CCDC146: variants seen among roughly 807,000 people sequenced by gnomAD.
CCDC146 encodes coiled-coil domain-containing protein 146.
In CCDC146, 92 loss-of-function variants were observed where a neutral mutation model predicts 119.3. The ratio of observed to expected loss-of-function variants is 0.77; its 90% CI spans 0.65 to 0.92. The LOEUF is 0.92. CCDC146 is among the 40% of genes least tolerant of loss of function. The probability of loss-of-function intolerance (pLI) is 0.00; values close to 1 mark genes in which losing one functional copy is unlikely to be tolerated. For synonymous variants in CCDC146, 372 were observed against 371.8 expected, an observed-to-expected ratio of 1.00 and a Z score of -0.01; for missense variants, 1,000 against 1,103.0, an observed-to-expected ratio of 0.91 and a Z score of 1.32.
chr7:77,176,147 A>G (rs1162036424), intron 2 of CCDC146, among the ~76,000 whole-genome samples: 2 of 151,062 alleles, frequency 1.3e-5, no homozygotes, highest in Non-Finnish European at 2.9e-5. Flanking sequence ...GATGACCCCA[A>G]AGTACCTCAA....
intron 9 of CCDC146, among the ~76,000 whole-genome samples, chr7:77,272,475 A>G (rs1190719792): frequency 6.6e-6 from 1 of 152,178 alleles, no homozygotes; most frequent in Admixed American, 6.5e-5. Context: ...CCTTCAAATC[A>G]CTAGACAGTG....
At position 77,278,985 on chromosome 7, in the gene CCDC146, C is replaced by G; in HGVS notation, c.1578C>G (p.Asn526Lys). ...KLYDTIRNER[N>K]KFVNLLHKAH... is the part of the protein sequence containing the mutation. Reference sequence around the variant, plus strand: ...ATGACACCATTCGAAATGAAAGAAACAAATTTGTTAACTTACTCCACAAAG... The same window carrying G: ...ATGACACCATTCGAAATGAAAGAAAGAAATTTGTTAACTTACTCCACAAAG... The change falls in exon 13 of 19, where the codon AAC becomes AAG. Residue 526 changes from asparagine to lysine, a missense_variant. Coordinates refer to ENST00000285871, the MANE Select transcript of CCDC146 (RefSeq NM_020879.3). 1 of 1,611,690 alleles carries G rather than the reference C, an allele frequency of 6.2e-7. No individual in the cohort carries two copies. Among genetic ancestry groups the G allele is most frequent in the Non-Finnish European group, 8.5e-7 (1 of 1,179,336 alleles).
At chr7:77,189,863 C>G (rs965614303) in intron 2 of CCDC146, among the ~76,000 whole-genome samples, 2 of 152,200 alleles carry the variant, frequency 1.3e-5, no homozygotes, top group African/African-American at 2.4e-5. Flanking sequence ...TTCACCTCCA[C>G]AGACAGGCCT....
rs1013320592 is a variant in CCDC146, at chr7:77,237,002, A to G, written c.212A>G (p.Tyr71Cys). 2.5e-6 allele frequency: 4 copies of G among 1,614,170 alleles called. No individual in the cohort carries two copies. The highest frequency in any genetic ancestry group is 3.4e-6 in the Non-Finnish European group (4 of 1,179,978). The stretch of plus-strand genomic sequence containing the variant: ...AGAATGGCAGCGTTAAAAGCCAAGT[A>G]TACCTTGCTGCATGACGCCGTGATG... The part of the protein sequence containing the change: ...GTRMAALKAK[Y>C]TLLHDAVMST... The change falls in exon 3 of 19, where the codon TAT (tyrosine) becomes TGT (cysteine). Residue 71 changes from tyrosine (Y) to cysteine (C), a missense_variant. Physicochemically the swap from Tyr to Cys is radical, Grantham distance 194. Coordinates refer to ENST00000285871, the MANE Select transcript of CCDC146 (RefSeq NM_020879.3).
intron 2 of CCDC146, among the ~76,000 whole-genome samples, chr7:77,233,907 A>AT (rs11317661): frequency 0.17 from 24,868 of 144,566 alleles, 3,588 homozygotes; most frequent in East Asian, 0.42. Flanking sequence ...GTATTCTATC[A>AT]TTTTTTTTTT....
chr7:77,277,456 G>C (rs1422517320), intron 11 of CCDC146, among the ~76,000 whole-genome samples: 2 of 152,018 alleles, frequency 1.3e-5, no homozygotes, highest in African/African-American at 4.8e-5. Context: ...ATTGATAAAG[G>C]ACAAATGTTT....
At position 77,164,321 on chromosome 7, in the gene CCDC146, C is replaced by A. The variant is rs1179209264; in HGVS notation, c.-11-3337C>A. ...AACAAATTTAAATATATAGCCAAACCATTTTTAGCTGCTTGAAGATTTAAG... is the reference window on the plus strand; with the variant it reads ...AACAAATTTAAATATATAGCCAAACAATTTTTAGCTGCTTGAAGATTTAAG... On this transcript the variant is annotated intron_variant, in intron 1 of 18. Transcript: ENST00000285871. Among the ~76,000 whole-genome samples, 6 of 151,934 alleles carry A rather than the reference C, an allele frequency of 3.9e-5. No individual in the cohort carries two copies. The East Asian group carries it at 1.2e-3, about 29-fold the overall frequency.
chr7:77,204,750 T>C (rs552747818), intron 2 of CCDC146, among the ~76,000 whole-genome samples: 3 of 152,304 alleles, frequency 2.0e-5, no homozygotes, highest in Admixed American at 2.0e-4. Flanking sequence ...CCAGGGATCA[T>C]GAAGGATCCA....
At chr7:77,170,541 G>T (rs1269829494) in intron 2 of CCDC146, among the ~76,000 whole-genome samples, 1 of 152,134 alleles carries the variant, frequency 6.6e-6, no homozygotes, top group African/African-American at 2.4e-5. Flanking sequence ...AGTTATTTGA[G>T]AAATCTCCAA....
chr7:77,142,777 G>A (rs2117421916), intron 1 of CCDC146, among the ~76,000 whole-genome samples: 1 of 151,838 alleles, frequency 6.6e-6, no homozygotes, highest in Non-Finnish European at 1.5e-5. Flanking sequence ...GTATTCCATG[G>A]TGTATATGTG....
At chr7:77,235,318 C>T (rs969975761) in intron 2 of CCDC146, among the ~76,000 whole-genome samples, 2 of 152,106 alleles carry the variant, frequency 1.3e-5, no homozygotes, top group South Asian at 2.1e-4. Flanking sequence ...AGCAAGTACA[C>T]GTGGTTATCT....
chr7:77,241,769 G>C lies in CCDC146; in HGVS notation c.318G>C (p.Leu106=). 1 of 1,613,894 alleles carries C rather than the reference G, an allele frequency of 6.2e-7. No homozygotes were observed. Among genetic ancestry groups the C allele is most frequent in the East Asian group, 2.2e-5 (1 of 44,870 alleles). ...AAATACAACAGCAGCAGTTTCACCT[G>C]CAGCAAGCTGATAATTTTCCAGAAG... The part of the protein sequence containing the change: ...TEQIQQQQFH[L]QQADNFPEAF... Residue 106 remains leucine, a synonymous_variant, in exon 4 of 19, where the codon CTG becomes CTC. Transcript: ENST00000285871.
At chr7:77,187,529 G>A (rs1236117908) in intron 2 of CCDC146, among the ~76,000 whole-genome samples, 9 of 151,402 alleles carry the variant, frequency 5.9e-5, no homozygotes, top group African/African-American at 2.2e-4. Flanking sequence ...GGGCCTCAGC[G>A]CCACTCTCAG....
chr7:77,228,509 A>G (rs900983027), intron 2 of CCDC146, among the ~76,000 whole-genome samples: 1 of 152,206 alleles, frequency 6.6e-6, no homozygotes, highest in African/African-American at 2.4e-5. Context: ...TTATGGCTGC[A>G]TAGTGTTCCA....
chr7:77,133,652 CT>C (rs71524906), intron 1 of CCDC146, among the ~76,000 whole-genome samples: 27,769 of 137,722 alleles, frequency 0.2, 2,877 homozygotes, highest in South Asian at 0.32. Context: ...CCTGGAACAC[CT>C]TTTTTTTTTT....
chr7:77,278,938 CTG>C lies in CCDC146; in HGVS notation c.1532_1533del (p.Leu511GlnfsTer5). On this transcript the variant is annotated frameshift_variant and splice_region_variant, in exon 13 of 19. Coordinates refer to ENST00000285871, the MANE Select transcript of CCDC146 (RefSeq NM_020879.3). LOFTEE classifies it high-confidence loss of function. ...AGTAAACACTTTGTATTTTTACAGA[CTG>C]AGAGAGTTTGCTAAACTGTATGACA... ...KKKKCEIYRRLREFAKLYDTI... is the reference protein window; with the variant it reads ...KKKKCEIYRRXREFAKLYDTI... 6.2e-7 allele frequency: 1 copy of C among 1,608,194 alleles called. No homozygotes were observed. Among genetic ancestry groups the C allele is most frequent in the South Asian group, 1.1e-5 (1 of 89,584 alleles).
Position 77,196,829 on chromosome 7 carries a change from C to T in CCDC146, c.156+29005C>T, listed in dbSNP as rs374306688. 22 of 1,613,976 alleles carry T rather than the reference C, an allele frequency of 1.4e-5. No homozygotes were observed. Among genetic ancestry groups the T allele is most frequent in the East Asian group, 2.2e-5 (1 of 44,888 alleles). ...GGTGAAGTTGGTGCTCCCATCGAGA[C>T]GTGCCTGCAGCACTGTCCAGCCTCC... On this transcript the variant is annotated intron_variant, in intron 2 of 18. Coordinates refer to ENST00000285871, the MANE Select transcript of CCDC146 (RefSeq NM_020879.3). This position sits in a 1 kb window ranked among gnomAD's most constrained non-coding sequence, Gnocchi z 4.2.
chr7:77,156,828 A>G (rs1791184897), intron 1 of CCDC146, among the ~76,000 whole-genome samples: 1 of 152,112 alleles, frequency 6.6e-6, no homozygotes, highest in Admixed American at 6.6e-5. Flanking sequence ...TGAGCCTGTC[A>G]TATAGTGGAC....
chr7:77,218,525 C>T (rs1167701382), intron 2 of CCDC146, among the ~76,000 whole-genome samples: 1 of 151,806 alleles, frequency 6.6e-6, no homozygotes. Context: ...ACAGTGAATC[C>T]AGTGGAATAT....
Sources: gnomAD v4.1 joint callset for allele counts (sites outside exome capture counted in the v4.1 genomes callset) on GRCh38, gnomAD v4.1.1 for gene constraint, Gnocchi (gnomAD v3.1) non-coding constraint, MANE v1.5 for transcripts, NCBI Gene and HGNC (gene_info 2026-07-23, HGNC 2026-07-21) for gene names.